Variants in NFIA observed in about 807,000 individuals in gnomAD.
The protein encoded by NFIA is nuclear factor I A.
NFIA carries 8 observed loss-of-function variants against 62.8 expected under a neutral mutation model. The observed-to-expected ratio is 0.13, with a 90% CI of 0.07 to 0.23. NFIA has a LOEUF of 0.23. NFIA is among the 10% of genes least tolerant of loss of function. NFIA has a pLI of 1.00. For synonymous variants in NFIA, 235 were observed against 238.1 expected (o/e 0.99, Z 0.12); for missense variants, 410 against 642.1 (o/e 0.64, Z 3.91).
chr1:61,193,459 C>T (rs1651781203), intron 2 of NFIA, among the ~76,000 whole-genome samples: 1 of 152,162 alleles, frequency 6.6e-6, no homozygotes, highest in Admixed American at 6.5e-5. Flanking sequence ...CTATAACTAC[C>T]CTCCCTTCCT....
At chr1:61,317,558 G>A (rs1234963162) in intron 3 of NFIA, among the ~76,000 whole-genome samples, 1 of 151,638 alleles carries the variant, frequency 6.6e-6, no homozygotes, top group Non-Finnish European at 1.5e-5. Context: ...ACTTTTTGTA[G>A]AAAAATCAAA....
rs774297484 is a variant in NFIA, at chr1:61,306,269, C to CTTTT, written c.626-26221_626-26218dup. 3.1e-3 allele frequency among the ~76,000 whole-genome samples: 190 copies of CTTTT among 60,584 alleles called. 18 individuals carry two copies. Among genetic ancestry groups the CTTTT allele is most frequent in the African/African-American group, 6.7e-3 (86 of 12,910 alleles). 39.7% of individuals were successfully genotyped at this position (60,584 alleles called of 152,430 possible). On this transcript the variant is annotated intron_variant, in intron 3 of 10. Coordinates refer to ENST00000403491, the MANE Select transcript of NFIA (RefSeq NM_001134673.4). Reference sequence around the variant, plus strand: ...TCATCCTGGAGACCCAGATTTTGTTCTTTTTTTTTTTTTTTTTTTTTTTTT... The same window carrying CTTTT: ...TCATCCTGGAGACCCAGATTTTGTTCTTTTTTTTTTTTTTTTTTTTTTTTTTTTT...
At position 61,462,438 on chromosome 1, in the gene NFIA, T is replaced by C. The variant is rs1474131246; in HGVS notation, c.*7118T>C. The C allele has an allele frequency of 6.6e-6, 1 of 152,184 alleles. No individual in the cohort carries two copies. The highest frequency in any genetic ancestry group is 2.4e-5 in the African/African-American group (1 of 41,440). The allele number at this position is 152,184 out of a possible 1,614,324, so 9.4% of individuals were successfully genotyped here. ...GGAGGGGATGGAACACTTCCAGTGA[T>C]GGTAAGAGATCTGTTATGAAACGAA... On this transcript the variant is annotated 3_prime_UTR_variant, in exon 11 of 11. Transcript: ENST00000403491.
At chr1:61,215,825 A>G (rs964653568) in intron 2 of NFIA, among the ~76,000 whole-genome samples, 2 of 152,244 alleles carry the variant, frequency 1.3e-5, no homozygotes, top group Non-Finnish European at 2.9e-5. Context: ...TATGTGACTC[A>G]GCGTCAGATT....
rs547372877 is a variant in NFIA, at chr1:61,194,820, G to A, written c.560-82700G>A. The stretch of plus-strand genomic sequence containing the variant: ...CCCTGTTCCTGGCCTTCCATTGACA[G>A]GTTGCTTACAGCTCTTAATTTCTAG... On this transcript the variant is annotated intron_variant, in intron 2 of 10. Coordinates refer to ENST00000403491, the MANE Select transcript of NFIA (RefSeq NM_001134673.4). 3.3e-5 allele frequency among the ~76,000 whole-genome samples: 5 copies of A among 152,244 alleles called. 1 individual carries two copies. The highest frequency in any genetic ancestry group is 1.2e-4 in the African/African-American group (5 of 41,550).
chr1:61,106,600 C>T (rs1000092019), intron 2 of NFIA, among the ~76,000 whole-genome samples: 21 of 151,728 alleles, frequency 1.4e-4, no homozygotes, highest in Admixed American at 1.4e-3. Context: ...AAATCTGTTG[C>T]TAAAAAGCTG....
At chr1:61,183,496 A>T (rs958159517) in intron 2 of NFIA, among the ~76,000 whole-genome samples, 2 of 152,174 alleles carry the variant, frequency 1.3e-5, no homozygotes, top group Admixed American at 1.3e-4. Context: ...GAACATAACC[A>T]TCACTAAAAG....
At chr1:61,099,650 C>T (rs766479259) in intron 2 of NFIA, among the ~76,000 whole-genome samples, 1 of 152,096 alleles carries the variant, frequency 6.6e-6, no homozygotes, top group Non-Finnish European at 1.5e-5. Flanking sequence ...TTGTAGATGA[C>T]CTTCGTTGTG....
chr1:61,209,828 G>A (rs1322359440), intron 2 of NFIA, among the ~76,000 whole-genome samples: 2 of 152,026 alleles, frequency 1.3e-5, no homozygotes, highest in African/African-American at 2.4e-5. Context: ...ACTCCAGCCT[G>A]GGCAACAGAG....
In NFIA at chr1:61,119,864, A is replaced by G. The variant is rs534411715; in HGVS notation, c.559+31184A>G. Among the ~76,000 whole-genome samples, 7 of 152,312 alleles carry G rather than the reference A, an allele frequency of 4.6e-5. No homozygotes were observed. The South Asian group carries it at 1.0e-3, about 23-fold the overall frequency. The stretch of plus-strand genomic sequence containing the variant: ...TTTGTATTTAATGCTCTTAAATTTT[A>G]ACAGCCTTGCCTCTGTATGCCCTGC... On this transcript the variant is annotated intron_variant, in intron 2 of 10. Transcript: ENST00000403491.
At chr1:61,211,775 GC>G (rs760511977) in intron 2 of NFIA, among the ~76,000 whole-genome samples, 17 of 152,278 alleles carry the variant, frequency 1.1e-4, no homozygotes, top group Admixed American at 5.2e-4. Context: ...TTGGCTCACT[GC>G]AACCTCTGCC....
chr1:61,305,169 A>T (rs1659698006), intron 3 of NFIA, among the ~76,000 whole-genome samples: 1 of 152,168 alleles, frequency 6.6e-6, no homozygotes, highest in Non-Finnish European at 1.5e-5. Flanking sequence ...AGAGAGAAGG[A>T]AAAGAAGTCA....
At chr1:61,243,261 G>A (rs1655451264) in intron 2 of NFIA, among the ~76,000 whole-genome samples, 1 of 152,130 alleles carries the variant, frequency 6.6e-6, no homozygotes, top group Non-Finnish European at 1.5e-5. Flanking sequence ...GGCATTTAGA[G>A]GTTAGCAGGG....
chr1:61,109,703 A>G (rs1294688485), intron 2 of NFIA, among the ~76,000 whole-genome samples: 1 of 152,002 alleles, frequency 6.6e-6, no homozygotes, highest in Non-Finnish European at 1.5e-5. Flanking sequence ...TGAGATTAAC[A>G]GAACATTTTC....
intron 6 of NFIA, among the ~76,000 whole-genome samples, chr1:61,359,854 A>G (rs1663188099): frequency 6.6e-6 from 1 of 152,150 alleles, no homozygotes; most frequent in Admixed American, 6.5e-5. Context: ...GCTGGTCTCA[A>G]ACTCCTGACC....
intron 2 of NFIA, among the ~76,000 whole-genome samples, chr1:61,192,715 G>A (rs574642790): frequency 7.3e-4 from 107 of 147,542 alleles, no homozygotes; most frequent in African/African-American, 2.5e-3. Flanking sequence ...AAAAAAAAAA[G>A]AAAAAAAAAG....
At chr1:61,338,553 G>T (rs543324918) in intron 4 of NFIA, among the ~76,000 whole-genome samples, 4 of 152,328 alleles carry the variant, frequency 2.6e-5, no homozygotes, top group African/African-American at 9.6e-5. Flanking sequence ...CAGATGCTTA[G>T]ATTTTCAGGC....
intron 7 of NFIA, among the ~76,000 whole-genome samples, chr1:61,397,804 T>C (rs1455524784): frequency 6.6e-6 from 1 of 152,228 alleles, no homozygotes; most frequent in African/African-American, 2.4e-5. Context: ...GCACTGCTTT[T>C]CTGAGTCGTA....
At chr1:61,449,768 C>A (rs1667981026) in intron 10 of NFIA, among the ~76,000 whole-genome samples, 1 of 152,204 alleles carries the variant, frequency 6.6e-6, no homozygotes, top group South Asian at 2.1e-4. Flanking sequence ...AACAGACTTT[C>A]TTTAATTAAG....
Sources: gnomAD v4.1 joint callset for allele counts (sites outside exome capture counted in the v4.1 genomes callset) on GRCh38, gnomAD v4.1.1 for gene constraint, MANE v1.5 for transcripts, NCBI Gene and HGNC (gene_info 2026-07-23, HGNC 2026-07-21) for gene names.